Variants in GPHN observed in about 807,000 individuals in gnomAD.
The protein encoded by GPHN is gephyrin.
A neutral mutation model predicts 95.5 loss-of-function variants in GPHN; 17 were observed. The observed-to-expected ratio is 0.18, with a 90% CI of 0.12 to 0.27. The LOEUF is 0.27. Ranked by LOEUF, GPHN falls within the 10% of genes least tolerant of loss-of-function variation. The pLI is 1.00. For missense variants in GPHN, 660 were observed against 978.1 expected, an observed-to-expected ratio of 0.67 and a Z score of 4.34; for synonymous variants, 320 against 322.5, an observed-to-expected ratio of 0.99 and a Z score of 0.08.
chr14:67,624,519 G>A, the GPHN span, among the ~76,000 whole-genome samples: 1 of 152,182 alleles, frequency 6.6e-6, no homozygotes, highest in East Asian at 1.9e-4. Flanking sequence ...AAGCAAGCAC[G>A]TCTTATATGG....
At chr14:67,575,575 A>G in the GPHN span, 1 of 801,218 alleles carries the variant, frequency 1.2e-6, no homozygotes, top group Non-Finnish European at 2.2e-6. Context: ...GTAACCCCAC[A>G]ATAAATACAA....
the GPHN span, among the ~76,000 whole-genome samples, chr14:67,590,829 A>C: frequency 6.6e-6 from 1 of 152,230 alleles, no homozygotes; most frequent in African/African-American, 2.4e-5. Flanking sequence ...ATAGCTTTTT[A>C]ATCTGTCTAA....
At chr14:67,172,432 A>G (rs2140102397) in intron 21 of GPHN, among the ~76,000 whole-genome samples, 1 of 152,268 alleles carries the variant, frequency 6.6e-6, no homozygotes, top group Middle Eastern at 3.4e-3. Context: ...CATGCACTCT[A>G]GTACCTAAGC....
chr14:67,520,852 T>C, the GPHN span, among the ~76,000 whole-genome samples: 1 of 152,258 alleles, frequency 6.6e-6, no homozygotes, highest in Non-Finnish European at 1.5e-5. Context: ...TCCTGGATTG[T>C]GTGGTGAGAG....
intron 1 of GPHN, among the ~76,000 whole-genome samples, chr14:66,539,808 A>G (rs1338883032): frequency 1.3e-5 from 2 of 152,132 alleles, no homozygotes; most frequent in East Asian, 3.9e-4. Flanking sequence ...GCTCCCAGGA[A>G]ATAAAATAGG....
chr14:67,675,434 G>GGA, the GPHN span, among the ~76,000 whole-genome samples: 1 of 151,880 alleles, frequency 6.6e-6, no homozygotes, highest in Non-Finnish European at 1.5e-5. Context: ...TCCAGCTTTG[G>GGA]GAGACCTTGC....
chr14:67,457,895 A>G, the GPHN span, among the ~76,000 whole-genome samples: 4 of 152,198 alleles, frequency 2.6e-5, no homozygotes, highest in Non-Finnish European at 4.4e-5. Flanking sequence ...CTGGCCTCTG[A>G]GGTGACAGAA....
At chr14:67,532,845 C>G in the GPHN span, among the ~76,000 whole-genome samples, 3 of 152,242 alleles carry the variant, frequency 2.0e-5, no homozygotes, top group African/African-American at 7.2e-5. Flanking sequence ...AATGCTGGAA[C>G]CTTTGGCGGA....
At chr14:66,600,080 G>C (rs2062161823) in intron 1 of GPHN, among the ~76,000 whole-genome samples, 1 of 151,854 alleles carries the variant, frequency 6.6e-6, no homozygotes, top group African/African-American at 2.4e-5. Flanking sequence ...ATGTTTTTTA[G>C]TGTTTTGGAT....
Position 66,978,998 on chromosome 14 carries a change from A to G in GPHN, c.963+13673A>G, listed in dbSNP as rs185554230. Reference sequence around the variant, plus strand: ...AGGTACAATGTCAATGAATACTTATATTTTGAAAGGAATCTTTTTGTCTAA... The same window carrying G: ...AGGTACAATGTCAATGAATACTTATGTTTTGAAAGGAATCTTTTTGTCTAA... On this transcript the variant is annotated intron_variant, in intron 9 of 22. Transcript: ENST00000478722. Among the ~76,000 whole-genome samples the G allele has an allele frequency of 1.4e-4, 21 of 152,344 alleles. No homozygotes were observed. In the South Asian group the frequency reaches 1.9e-3, roughly 14 times the overall value.
rs3759754 is a variant in GPHN, at chr14:66,681,275, T to C, written c.143+90T>C. On this transcript the variant is annotated intron_variant, in intron 2 of 22. Coordinates refer to ENST00000478722, the MANE Select transcript of GPHN (RefSeq NM_020806.5). ...AAAGAGTTTTATGTGAAAACTTATTTAAGGTACAACAATTTTTTCTTTTCT... is the reference window on the plus strand; with the variant it reads ...AAAGAGTTTTATGTGAAAACTTATTCAAGGTACAACAATTTTTTCTTTTCT... The C allele has an allele frequency of 0.03, 25,262 of 836,578 alleles. 1,507 individuals carry two copies. The highest frequency in any genetic ancestry group is 0.19 in the African/African-American group (10,971 of 58,294). The allele number at this position is 836,578 out of a possible 1,614,324, so 51.8% of individuals were successfully genotyped here.
chr14:67,677,533 G>C, the GPHN span: 3 of 151,540 alleles, frequency 2.0e-5, no homozygotes, highest in South Asian at 6.3e-4. Context: ...TCCTTAACTA[G>C]TCCCTTCATT....
chr14:66,585,074 T>C (rs760570962), intron 1 of GPHN, among the ~76,000 whole-genome samples: 7 of 152,184 alleles, frequency 4.6e-5, no homozygotes, highest in African/African-American at 1.2e-4. Flanking sequence ...GAGCCTGTTA[T>C]TGGTCTATTC....
At chr14:66,602,327 T>C (rs1165740604) in intron 1 of GPHN, among the ~76,000 whole-genome samples, 1 of 152,012 alleles carries the variant, frequency 6.6e-6, no homozygotes, top group Non-Finnish European at 1.5e-5. Context: ...TACTAATCCA[T>C]AATTTTTTTT....
chr14:66,545,988 G>A (rs183544181), intron 1 of GPHN, among the ~76,000 whole-genome samples: 1 of 150,986 alleles, frequency 6.6e-6, no homozygotes, highest in South Asian at 2.1e-4. Flanking sequence ...GCGGCTTCGG[G>A]GGGGAGGGGC....
intron 2 of GPHN, among the ~76,000 whole-genome samples, chr14:66,704,371 G>T (rs765642422): frequency 6.6e-6 from 1 of 151,726 alleles, no homozygotes; most frequent in African/African-American, 2.4e-5. Flanking sequence ...CGTTCATCTC[G>T]GTGCCGCATA....
At chr14:67,352,621 A>ATAC in the GPHN span, 1 of 219,340 alleles carries the variant, frequency 4.6e-6, no homozygotes, top group Non-Finnish European at 8.9e-6. Flanking sequence ...GGGAAAGAGT[A>ATAC]TTTCAGGCAG....
At chr14:67,133,144 T>A (rs1348482654) in intron 17 of GPHN, among the ~76,000 whole-genome samples, 1 of 151,984 alleles carries the variant, frequency 6.6e-6, no homozygotes, top group African/African-American at 2.4e-5. Context: ...AGATTTGTAG[T>A]TAATGAATTT....
the GPHN span, among the ~76,000 whole-genome samples, chr14:67,632,881 C>A: frequency 3.4e-5 from 4 of 117,528 alleles, no homozygotes; most frequent in Non-Finnish European, 4.8e-5. Flanking sequence ...AGTGCAGTGG[C>A]GTGATCTCGG....
Sources: allele counts gnomAD v4.1 joint callset (sites outside exome capture counted in the v4.1 genomes callset), GRCh38; gene constraint gnomAD v4.1.1; transcripts MANE v1.5; gene names NCBI Gene and HGNC (gene_info 2026-07-23, HGNC 2026-07-21).